CELF2: variants seen among roughly 807,000 people sequenced by gnomAD.
The protein encoded by CELF2 is CUG triplet repeat RNA-binding protein 2.
Under a neutral mutation model 62.6 loss-of-function variants are expected in CELF2, and 8 were observed. The ratio of observed to expected loss-of-function variants is 0.13; its 90% CI spans 0.07 to 0.23. The LOEUF (loss-of-function observed/expected upper bound fraction) is 0.23. Ranked by LOEUF, CELF2 falls within the 10% of genes least tolerant of loss-of-function variation. CELF2 has a pLI of 1.00. For missense variants in CELF2, 333 were observed against 671.0 expected (o/e 0.50, Z 5.56); for synonymous variants, 258 against 250.0 (o/e 1.03, Z -0.30).
chr10:10,536,191 T>C, the CELF2 span, among the ~76,000 whole-genome samples: 4 of 152,082 alleles, frequency 2.6e-5, no homozygotes, highest in African/African-American at 4.8e-5. Flanking sequence ...GGCTAATTTT[T>C]GTATTTTTAG....
intron 2 of CELF2, among the ~76,000 whole-genome samples, chr10:10,988,725 G>A (rs1228608127): frequency 2.0e-5 from 3 of 152,130 alleles, no homozygotes; most frequent in East Asian, 1.9e-4. Flanking sequence ...CTTAGAAAAC[G>A]AGGAATACAG....
At chr10:10,981,115 A>C (rs779120822) in intron 2 of CELF2, among the ~76,000 whole-genome samples, 3 of 152,220 alleles carry the variant, frequency 2.0e-5, no homozygotes, top group Non-Finnish European at 2.9e-5. Context: ...GTCTATATAG[A>C]GTAGGTGCCC....
At chr10:11,289,749 AC>A (rs1336462547) in intron 9 of CELF2, among the ~76,000 whole-genome samples, 1 of 152,194 alleles carries the variant, frequency 6.6e-6, no homozygotes, top group Non-Finnish European at 1.5e-5. Context: ...CAACTTTGTC[AC>A]CCTTAATTTC....
the CELF2 span, among the ~76,000 whole-genome samples, chr10:10,547,429 T>C: frequency 2.2e-4 from 34 of 152,216 alleles, no homozygotes; most frequent in Non-Finnish European, 3.2e-4. Flanking sequence ...TGATGAATGT[T>C]GGAATGCCTC....
At chr10:10,969,758 A>G (rs1013120298) in intron 2 of CELF2, among the ~76,000 whole-genome samples, 1 of 152,184 alleles carries the variant, frequency 6.6e-6, no homozygotes, top group Non-Finnish European at 1.5e-5. Context: ...CTTGAGCTCT[A>G]TTTCCATACA....
the CELF2 span, among the ~76,000 whole-genome samples, chr10:10,488,726 A>G: frequency 6.6e-6 from 1 of 152,156 alleles, no homozygotes; most frequent in African/African-American, 2.4e-5. Flanking sequence ...ATTAAGAAAC[A>G]TAACAGGTAT....
chr10:10,752,319 G>T, the CELF2 span, among the ~76,000 whole-genome samples: 3 of 152,180 alleles, frequency 2.0e-5, no homozygotes, highest in Non-Finnish European at 4.4e-5. Flanking sequence ...GTGGATAGCT[G>T]CAGCTTTTAA....
Position 11,110,647 on chromosome 10 carries a change from T to C in CELF2, c.75-54839T>C, listed in dbSNP as rs77209660. Among the ~76,000 whole-genome samples, 13,298 of 152,122 alleles carry C rather than the reference T, an allele frequency of 0.087. 721 individuals are homozygous for C. The highest frequency in any genetic ancestry group is 0.15 in the African/African-American group (6,037 of 41,472). ...GTTTGCTGTTTGGTGAGTGGGGAGATGGCAGTGAGACAGCCAGTGTGACGT... is the reference window on the plus strand; with the variant it reads ...GTTTGCTGTTTGGTGAGTGGGGAGACGGCAGTGAGACAGCCAGTGTGACGT... On this transcript the variant is annotated intron_variant, in intron 1 of 12. Transcript: ENST00000633077. This position sits in a 1 kb window ranked among gnomAD's most constrained non-coding sequence, Gnocchi z 4.0.
chr10:10,979,179 C>T (rs2051739118), intron 2 of CELF2, among the ~76,000 whole-genome samples: 1 of 152,122 alleles, frequency 6.6e-6, no homozygotes, highest in South Asian at 2.1e-4. Context: ...GGGGCCCCTC[C>T]CACACACCCA....
chr10:11,139,972 C>T (rs1005091257), intron 1 of CELF2, among the ~76,000 whole-genome samples: 3 of 152,062 alleles, frequency 2.0e-5, no homozygotes, highest in Non-Finnish European at 4.4e-5. Flanking sequence ...TTCAATTTCT[C>T]ACTTGCGTTA....
At chr10:10,595,897 A>T in the CELF2 span, among the ~76,000 whole-genome samples, 1 of 152,066 alleles carries the variant, frequency 6.6e-6, no homozygotes, top group African/African-American at 2.4e-5. Context: ...TTCCATCTTT[A>T]AAAAAAGAAA....
rs917214435 is a variant in CELF2 at position 11,316,361 on chromosome 10, G to T, written c.1096+2103G>T. 8.5e-5 allele frequency among the ~76,000 whole-genome samples: 13 copies of T among 152,282 alleles called. No homozygotes were observed. The highest frequency in any genetic ancestry group is 3.1e-4 in the African/African-American group (13 of 41,552). ...AATGAAAATACATTCCTTGTGATTG[G>T]AAAGTGTTACTAATGCAGAGCCGTT... On this transcript the variant is annotated intron_variant, in intron 10 of 12. Transcript: ENST00000633077. This position sits in a 1 kb window ranked among gnomAD's most constrained non-coding sequence, Gnocchi z 4.4.
At chr10:10,525,132 G>A in the CELF2 span, among the ~76,000 whole-genome samples, 12 of 151,832 alleles carry the variant, frequency 7.9e-5, no homozygotes, top group African/African-American at 1.7e-4. Context: ...AGTTTTTTTC[G>A]GTGAGAACAA....
chr10:11,125,955 T>G (rs2058618294), intron 1 of CELF2, among the ~76,000 whole-genome samples: 1 of 152,224 alleles, frequency 6.6e-6, no homozygotes. Flanking sequence ...CATTTTCCTG[T>G]CAACACACGC....
intron 1 of CELF2, among the ~76,000 whole-genome samples, chr10:10,816,859 G>A (rs1452414138): frequency 1.1e-4 from 16 of 152,186 alleles, no homozygotes; most frequent in Admixed American, 1.0e-3. Context: ...AGGCTGTACT[G>A]GAGTCTTCAA....
chr10:10,765,067 G>A, the CELF2 span, among the ~76,000 whole-genome samples: 1 of 152,204 alleles, frequency 6.6e-6, no homozygotes, highest in Non-Finnish European at 1.5e-5. Flanking sequence ...CTTTGGGGGT[G>A]GAGGGTCACC....
the CELF2 span, among the ~76,000 whole-genome samples, chr10:10,521,930 A>G: frequency 3.3e-5 from 5 of 152,190 alleles, no homozygotes; most frequent in Non-Finnish European, 7.3e-5. Context: ...CCAGATAATG[A>G]GGACGGAATG....
chr10:11,122,683 C>A (rs553624733), intron 1 of CELF2, among the ~76,000 whole-genome samples: 10 of 152,224 alleles, frequency 6.6e-5, no homozygotes, highest in African/African-American at 1.4e-4. Flanking sequence ...AGGCCTCTTA[C>A]AACAAGCAGT....
chr10:11,071,117 C>T (rs2069831696), intron 1 of CELF2, among the ~76,000 whole-genome samples: 1 of 152,158 alleles, frequency 6.6e-6, no homozygotes, highest in South Asian at 2.1e-4. Context: ...TTTATCGAGG[C>T]TAATTCTGCT....
Sources: gnomAD v4.1 joint callset for allele counts (sites outside exome capture counted in the v4.1 genomes callset) on GRCh38, gnomAD v4.1.1 for gene constraint, Gnocchi (gnomAD v3.1) non-coding constraint, MANE v1.5 for transcripts, NCBI Gene and HGNC (gene_info 2026-07-23, HGNC 2026-07-21) for gene names.